RPS6KC1: variants seen among roughly 807,000 people sequenced by gnomAD.
RPS6KC1 encodes the protein ribosomal protein S6 kinase C1.
A neutral mutation model predicts 103.8 loss-of-function variants in RPS6KC1; 54 were observed. The ratio of observed to expected loss-of-function variants is 0.52; its 90% CI spans 0.42 to 0.65. The LOEUF (loss-of-function observed/expected upper bound fraction) is 0.65. RPS6KC1 is among the 30% of genes least tolerant of loss of function. The pLI is 0.00. For missense variants in RPS6KC1, 1,151 were observed against 1,253.8 expected, an observed-to-expected ratio of 0.92 and a Z score of 1.24; for synonymous variants, 439 against 438.7, an observed-to-expected ratio of 1.00 and a Z score of -0.01.
intron 6 of RPS6KC1, among the ~76,000 whole-genome samples, chr1:213,151,862 G>C (rs1410822912): frequency 2.4e-5 from 3 of 124,372 alleles, no homozygotes; most frequent in Non-Finnish European, 5.2e-5. Flanking sequence ...GGACGGGGCG[G>C]CTGGCCGGGC....
chr1:213,643,926 C>G, the RPS6KC1 span, among the ~76,000 whole-genome samples: 1 of 151,956 alleles, frequency 6.6e-6, no homozygotes, highest in Non-Finnish European at 1.5e-5. Context: ...TAATTATTTT[C>G]TAGTCATGAA....
At chr1:213,728,104 G>A in the RPS6KC1 span, among the ~76,000 whole-genome samples, 228 of 152,228 alleles carry the variant, frequency 1.5e-3, no homozygotes, top group Middle Eastern at 6.8e-3. Flanking sequence ...TGGAGAAGCC[G>A]AGGAGTAAAG....
chr1:213,053,836 ATT>A (rs756027243), intron 1 of RPS6KC1, among the ~76,000 whole-genome samples: 3 of 144,028 alleles, frequency 2.1e-5, no homozygotes, highest in African/African-American at 7.6e-5. Flanking sequence ...CAAATTCAGA[ATT>A]TTTTTTTTTT....
chr1:213,758,507 G>T, the RPS6KC1 span, among the ~76,000 whole-genome samples: 3 of 151,724 alleles, frequency 2.0e-5, no homozygotes, highest in Non-Finnish European at 4.4e-5. Flanking sequence ...GAACCCGGGA[G>T]GCGGAAGTTG....
chr1:213,525,628 G>GA, the RPS6KC1 span, among the ~76,000 whole-genome samples: 2 of 152,166 alleles, frequency 1.3e-5, no homozygotes, highest in Non-Finnish European at 2.9e-5. Context: ...AATCCACCAA[G>GA]AAAACAAAGA....
At chr1:213,391,615 C>T in the RPS6KC1 span, among the ~76,000 whole-genome samples, 1 of 152,188 alleles carries the variant, frequency 6.6e-6, no homozygotes, top group South Asian at 2.1e-4. Context: ...AGTCTTGGCT[C>T]TGCCACTTAC....
Position 213,129,862 on chromosome 1 carries a change from G to A in RPS6KC1, c.808G>A (p.Val270Ile), listed in dbSNP as rs753873638. ...TGCTTCTGATTTTTATAGGAAGGGAGTTGATTTACTCCTAGAAGGTGTTCA... is the reference window on the plus strand; with the variant it reads ...TGCTTCTGATTTTTATAGGAAGGGAATTGATTTACTCCTAGAAGGTGTTCA... ...EAASDFYRKG[V>I]DLLLEGVQGE... Residue 270 changes from valine to isoleucine, a missense_variant, in exon 6 of 15, where the codon GTT becomes ATT. By Grantham distance (29) the Val-to-Ile change is conservative. Transcript: ENST00000366960. 3.1e-6 allele frequency: 5 copies of A among 1,608,426 alleles called. No homozygotes were observed. The South Asian group carries it at 3.3e-5, about 11-fold the overall frequency.
chr1:213,848,769 G>T, the RPS6KC1 span, among the ~76,000 whole-genome samples: 1 of 151,862 alleles, frequency 6.6e-6, no homozygotes. Context: ...TTTTCTTTTT[G>T]ATTTTTTTTA....
chr1:213,442,157 A>AACTTTGTCT, the RPS6KC1 span, among the ~76,000 whole-genome samples: 2 of 152,186 alleles, frequency 1.3e-5, no homozygotes, highest in Non-Finnish European at 2.9e-5. Flanking sequence ...TCTAATTTGG[A>AACTTTGTCT]AAAGAAAGCC....
At chr1:213,624,770 C>T in the RPS6KC1 span, among the ~76,000 whole-genome samples, 7 of 151,982 alleles carry the variant, frequency 4.6e-5, no homozygotes, top group East Asian at 1.9e-4. Flanking sequence ...GTGGAAGGGG[C>T]GAAGGAGCTC....
chr1:213,431,340 A>G, the RPS6KC1 span, among the ~76,000 whole-genome samples: 1 of 151,806 alleles, frequency 6.6e-6, no homozygotes, highest in Non-Finnish European at 1.5e-5. Context: ...GGAAAAGTAC[A>G]TAATTCCTAG....
the RPS6KC1 span, among the ~76,000 whole-genome samples, chr1:213,665,864 A>G: frequency 1.3e-5 from 2 of 152,220 alleles, no homozygotes; most frequent in South Asian, 2.1e-4. Context: ...AAGAATAAGA[A>G]AGACTGGTAT....
chr1:213,586,918 G>C, the RPS6KC1 span, among the ~76,000 whole-genome samples: 1 of 152,172 alleles, frequency 6.6e-6, no homozygotes, highest in Non-Finnish European at 1.5e-5. Context: ...TGCCAGCCAG[G>C]CTCAGGTCTC....
chr1:213,774,804 G>A, the RPS6KC1 span, among the ~76,000 whole-genome samples: 1 of 152,204 alleles, frequency 6.6e-6, no homozygotes, highest in Non-Finnish European at 1.5e-5. Context: ...AGAAAGATGT[G>A]TGCCACAGAG....
chr1:213,658,933 ACT>A, the RPS6KC1 span, among the ~76,000 whole-genome samples: 1 of 151,740 alleles, frequency 6.6e-6, no homozygotes, highest in African/African-American at 2.4e-5. Context: ...AGACTAGATC[ACT>A]CTGCTGATAT....
At chr1:213,799,566 C>T in the RPS6KC1 span, among the ~76,000 whole-genome samples, 1 of 152,208 alleles carries the variant, frequency 6.6e-6, no homozygotes, top group Non-Finnish European at 1.5e-5. Flanking sequence ...CCCTGTCAAA[C>T]TTTATGGTAT....
chr1:213,439,777 G>C, the RPS6KC1 span, among the ~76,000 whole-genome samples: 1 of 152,008 alleles, frequency 6.6e-6, no homozygotes, highest in Non-Finnish European at 1.5e-5. Flanking sequence ...AGTTGGGCCA[G>C]AATTATTTGT....
rs146219509 is a variant in RPS6KC1 at position 213,081,016 on chromosome 1, A to G, written c.262+3200A>G. Among the ~76,000 whole-genome samples, 6 of 152,352 alleles carry G rather than the reference A, an allele frequency of 3.9e-5. No homozygotes were observed. In the East Asian group the frequency reaches 9.6e-4, roughly 24 times the overall value. The stretch of plus-strand genomic sequence containing the variant: ...GTGAAGTCTCTGTTTTCCTTATACT[A>G]CATCAGGGAATTGAAATCATGCCAC... On this transcript the variant is annotated intron_variant, in intron 3 of 14. Coordinates refer to ENST00000366960, the MANE Select transcript of RPS6KC1 (RefSeq NM_012424.6).
At chr1:213,149,958 T>A (rs1467780401) in intron 6 of RPS6KC1, among the ~76,000 whole-genome samples, 1 of 152,238 alleles carries the variant, frequency 6.6e-6, no homozygotes, top group Non-Finnish European at 1.5e-5. Context: ...GATACAAATA[T>A]ATCAGAAAAA....
Sources: allele counts gnomAD v4.1 joint callset (sites outside exome capture counted in the v4.1 genomes callset), GRCh38; gene constraint gnomAD v4.1.1; transcripts MANE v1.5; gene names NCBI Gene and HGNC (gene_info 2026-07-23, HGNC 2026-07-21).